The following IGLL5 variants were observed in gnomAD, a reference collection of about 807,000 sequenced individuals.
IGLL5 encodes immunoglobulin lambda like polypeptide 5.
Under a neutral mutation model 20.9 loss-of-function variants are expected in IGLL5, and 30 were observed. The observed-to-expected ratio is 1.44, with a 90% CI of 1.07 to 1.95. IGLL5 has a LOEUF of 1.95. Ranked by LOEUF, IGLL5 falls within the 30% of genes most tolerant of loss-of-function variation. IGLL5 has a pLI of 0.00. For missense variants in IGLL5, 475 were observed against 270.7 expected (o/e 1.75, Z -5.30); for synonymous variants, 203 against 117.3 (o/e 1.73, Z -4.72).
rs1168053430 is a variant in IGLL5 at position 22,888,453 on chromosome 22, A to T, written c.206+194A>T. ...TTTGAATTACTGTTTTTAATATCAT[A>T]TTACGATATTATTTTTCTTGATTTC... On this transcript the variant is annotated intron_variant, in intron 1 of 2. Coordinates refer to ENST00000526893, the MANE Select transcript of IGLL5 (RefSeq NM_001178126.2). Among the ~76,000 whole-genome samples, 8 of 151,290 alleles carry T rather than the reference A, an allele frequency of 5.3e-5. 1 individual carries two copies. The highest frequency in any genetic ancestry group is 2.1e-4 in the South Asian group (1 of 4,738).
chr22:22,894,397 A>C (rs576934230), intron 2 of IGLL5, among the ~76,000 whole-genome samples: 2 of 151,440 alleles, frequency 1.3e-5, no homozygotes, highest in South Asian at 2.1e-4. Context: ...TCATGAGGAC[A>C]TGGGGACACA....
Position 22,888,156 on chromosome 22 carries a change from G to A in IGLL5, c.103G>A (p.Ala35Thr), listed in dbSNP as rs781007879. 37 of 1,549,336 alleles carry A rather than the reference G, an allele frequency of 2.4e-5. No individual in the cohort carries two copies. The Admixed American group carries it at 4.1e-4, about 17-fold the overall frequency. The change falls in exon 1 of 3, where the codon GCC becomes ACC. Residue 35 changes from alanine (A) to threonine (T), a missense_variant. Physicochemically the swap from Ala to Thr is moderately conservative, Grantham distance 58. Transcript: ENST00000526893. ...GCTGCTGCTGGGTCTGGCCATGGTC[G>A]CCCATGGCCTGCTGCGCCCAATGGT... is the stretch of plus-strand genomic sequence containing the variant. ...PLLLLGLAMVAHGLLRPMVAP... is the reference protein window; with the variant it reads ...PLLLLGLAMVTHGLLRPMVAP...
chr22:22,887,943 A>G lies in IGLL5; in HGVS notation c.-111A>G, dbSNP rs535641130. The G allele has an allele frequency of 4.6e-6, 4 of 861,344 alleles. No individual in the cohort carries two copies. The highest frequency in any genetic ancestry group is 2.0e-5 in the Admixed American group (1 of 49,746). The allele number at this position is 861,344 out of a possible 1,614,324, so 53.4% of individuals were successfully genotyped here. On this transcript the variant is annotated 5_prime_UTR_variant, in exon 1 of 3. It removes an upstream start codon present in the reference 5' UTR. Coordinates refer to ENST00000526893, the MANE Select transcript of IGLL5 (RefSeq NM_001178126.2). ...CCAGTCCAGGGAGAGGACAGAGCCA[A>G]TGGACTGGGGTGTACTGTAACAGCC...
chr22:22,888,730 T>A (rs550390377), intron 1 of IGLL5, among the ~76,000 whole-genome samples: 1 of 151,394 alleles, frequency 6.6e-6, no homozygotes, highest in Non-Finnish European at 1.5e-5. Context: ...CCCAAGGCTG[T>A]CTGTTCACCA....
chr22:22,894,262 T>A (rs540071095), intron 2 of IGLL5, among the ~76,000 whole-genome samples: 1 of 150,820 alleles, frequency 6.6e-6, no homozygotes, highest in African/African-American at 2.4e-5. Flanking sequence ...GGCTGAGGAC[T>A]GGATGCCAAT....
In IGLL5 at chr22:22,895,934, C is replaced by A; in HGVS notation, c.*240C>A. ...TTCTGCACCCAGTGTGAAAATCACC[C>A]AAGGGAGGAGGCTCACAGCCTCCCT... On this transcript the variant is annotated 3_prime_UTR_variant, in exon 3 of 3. Transcript: ENST00000526893. 2 of 596,946 alleles carry A rather than the reference C, an allele frequency of 3.4e-6. No individual in the cohort carries two copies. Among genetic ancestry groups the A allele is most frequent in the East Asian group, 2.8e-5 (1 of 35,232 alleles). 37.0% of individuals were successfully genotyped at this position (596,946 alleles called of 1,614,324 possible). A position where few individuals can be genotyped will look rare whatever the true frequency, so the allele number is the denominator to read the frequency against.
chr22:22,888,634 C>A (rs1201734258), intron 1 of IGLL5, among the ~76,000 whole-genome samples: 2 of 151,294 alleles, frequency 1.3e-5, no homozygotes, highest in South Asian at 2.1e-4. Flanking sequence ...GTTCCTCCCC[C>A]TCCTCCTCTC....
At chr22:22,889,115 A>T (rs1601606366) in intron 1 of IGLL5, among the ~76,000 whole-genome samples, 1 of 151,054 alleles carries the variant, frequency 6.6e-6, no homozygotes, top group Admixed American at 6.6e-5. Flanking sequence ...TTTTGGAAAA[A>T]TCAGCACCGG....
chr22:22,889,234 A>G (rs2067699046), intron 1 of IGLL5, among the ~76,000 whole-genome samples: 2 of 150,988 alleles, frequency 1.3e-5, no homozygotes, highest in Admixed American at 6.6e-5. Context: ...GATGGGGAGG[A>G]CACTCAGATT....
At position 22,894,137 on chromosome 22, in the gene IGLL5, T is replaced by C. The variant is rs574030111; in HGVS notation, c.325+319T>C. On this transcript the variant is annotated intron_variant, in intron 2 of 2. Transcript: ENST00000526893. ...TCTGATGAGGGGCCCTGCAGTGTCC[T>C]TAGGGACATTGCCCAGTGACTCCTG... 5.9e-5 allele frequency among the ~76,000 whole-genome samples: 9 copies of C among 151,440 alleles called. 1 individual carries two copies. The highest frequency in any genetic ancestry group is 2.0e-4 in the East Asian group (1 of 4,952).
chr22:22,895,932 C>G lies in IGLL5; in HGVS notation c.*238C>G, dbSNP rs922401020. 94 of 598,310 alleles carry G rather than the reference C, an allele frequency of 1.6e-4. No homozygotes were observed. The African/African-American group carries it at 1.6e-3, about 10-fold the overall frequency. 37.1% of individuals were successfully genotyped at this position (598,310 alleles called of 1,614,324 possible). A position where few individuals can be genotyped will look rare whatever the true frequency, so the allele number is the denominator to read the frequency against. On this transcript the variant is annotated 3_prime_UTR_variant, in exon 3 of 3. Transcript: ENST00000526893. ...AATTCTGCACCCAGTGTGAAAATCACCCAAGGGAGGAGGCTCACAGCCTCC... is the reference window on the plus strand; with the variant it reads ...AATTCTGCACCCAGTGTGAAAATCAGCCAAGGGAGGAGGCTCACAGCCTCC...
intron 1 of IGLL5, among the ~76,000 whole-genome samples, chr22:22,889,513 A>T: frequency 6.6e-6 from 1 of 151,396 alleles, no homozygotes; most frequent in East Asian, 2.0e-4. Flanking sequence ...CAGCATTATT[A>T]GTGATGGGAG....
chr22:22,890,955 T>C (rs2067827391), intron 1 of IGLL5, among the ~76,000 whole-genome samples: 1 of 151,218 alleles, frequency 6.6e-6, no homozygotes. Flanking sequence ...GCTTTCATCT[T>C]TTTATATATC....
At chr22:22,888,867 A>T (rs536379973) in intron 1 of IGLL5, among the ~76,000 whole-genome samples, 3 of 151,344 alleles carry the variant, frequency 2.0e-5, no homozygotes, top group South Asian at 2.1e-4. Context: ...GGGAGAGGGG[A>T]TCTCCCTCTG....
At chr22:22,888,653 T>A (rs12170809) in intron 1 of IGLL5, among the ~76,000 whole-genome samples, 1 of 151,276 alleles carries the variant, frequency 6.6e-6, no homozygotes, top group African/African-American at 2.4e-5. Flanking sequence ...TCTGCCCATG[T>A]GCCTCCTGCC....
At chr22:22,894,275 A>G (rs1601625231) in intron 2 of IGLL5, among the ~76,000 whole-genome samples, 4 of 151,066 alleles carry the variant, frequency 2.6e-5, no homozygotes, top group South Asian at 2.1e-4. Context: ...ATGCCAATCC[A>G]GCCTGGGAGG....
intron 1 of IGLL5, among the ~76,000 whole-genome samples, chr22:22,892,889 G>A (rs1381189229): frequency 3.3e-5 from 5 of 150,854 alleles, no homozygotes; most frequent in Admixed American, 1.3e-4. Context: ...AGGAGAGGGG[G>A]CAGTCTCAGA....
chr22:22,894,657 C>T (rs2066679352), intron 2 of IGLL5, among the ~76,000 whole-genome samples: 1 of 148,836 alleles, frequency 6.7e-6, no homozygotes, highest in East Asian at 2.1e-4. Context: ...AGTTTGGGGT[C>T]ATCACAGGCT....
chr22:22,893,567 C>T, intron 1 of IGLL5, 133 bp from the exon 2 acceptor site: 1 of 617,562 alleles, frequency 1.6e-6, no homozygotes. Flanking sequence ...GGGGTAACTC[C>T]AAGGCTGTGT....
Sources: allele counts gnomAD v4.1 joint callset (sites outside exome capture counted in the v4.1 genomes callset), GRCh38; gene constraint gnomAD v4.1.1; transcripts MANE v1.5; gene names NCBI Gene and HGNC (gene_info 2026-07-23, HGNC 2026-07-21).